RBMS3: variants seen among roughly 807,000 people sequenced by gnomAD.
RBMS3 encodes the protein RNA binding motif single stranded interacting protein 3.
RBMS3 carries 27 observed loss-of-function variants against 66.8 expected under a neutral mutation model. The ratio of observed to expected loss-of-function variants is 0.40; its 90% CI spans 0.30 to 0.56. The LOEUF (loss-of-function observed/expected upper bound fraction) is 0.56, where lower values mean the gene tolerates loss of function less well. RBMS3 is among the 20% of genes least tolerant of loss of function. RBMS3 has a pLI of 0.40. For synonymous variants in RBMS3, 188 were observed against 183.0 expected, an observed-to-expected ratio of 1.03 and a Z score of -0.22; for missense variants, 513 against 549.5, an observed-to-expected ratio of 0.93 and a Z score of 0.66.
intron 6 of RBMS3, among the ~76,000 whole-genome samples, chr3:29,782,238 A>G (rs2056661650): frequency 6.6e-6 from 1 of 152,112 alleles, no homozygotes; most frequent in Non-Finnish European, 1.5e-5. Flanking sequence ...AAACCAGTGC[A>G]CTAAACAAAA....
intron 1 of RBMS3, among the ~76,000 whole-genome samples, chr3:29,357,031 GTTTTA>G (rs1168880732): frequency 2.0e-5 from 3 of 151,918 alleles, no homozygotes; most frequent in Non-Finnish European, 4.4e-5. Flanking sequence ...TACAATCACA[GTTTTA>G]TTTTATTTTT....
At chr3:29,909,161 T>A (rs1559790672) in intron 10 of RBMS3, among the ~76,000 whole-genome samples, 2 of 152,142 alleles carry the variant, frequency 1.3e-5, no homozygotes, top group Non-Finnish European at 2.9e-5. Flanking sequence ...GGGAAATATT[T>A]GGTTGGAAAG....
intron 3 of RBMS3, among the ~76,000 whole-genome samples, chr3:29,520,496 A>G (rs2044814275): frequency 6.6e-6 from 1 of 152,166 alleles, no homozygotes; most frequent in South Asian, 2.1e-4. Flanking sequence ...AGATGTTTTC[A>G]GTGAGTTAAA....
chr3:29,416,607 T>C (rs896978137), intron 1 of RBMS3, among the ~76,000 whole-genome samples: 1 of 152,064 alleles, frequency 6.6e-6, no homozygotes, highest in Non-Finnish European at 1.5e-5. Context: ...GGGTAAGAGA[T>C]GCATTTATTT....
intron 6 of RBMS3, among the ~76,000 whole-genome samples, chr3:29,776,937 A>G (rs186238531): frequency 6.6e-6 from 1 of 151,958 alleles, no homozygotes; most frequent in African/African-American, 2.4e-5. Context: ...AGAAATATTT[A>G]CCTTGAATTT....
intron 1 of RBMS3, among the ~76,000 whole-genome samples, chr3:29,284,815 G>C (rs9821102): frequency 0.24 from 34,108 of 145,014 alleles, 4,358 homozygotes; most frequent in East Asian, 0.48. Flanking sequence ...CACACCTCAC[G>C]TCTTTAAAAA....
At chr3:29,341,359 T>G (rs2125537948) in intron 1 of RBMS3, among the ~76,000 whole-genome samples, 1 of 152,242 alleles carries the variant, frequency 6.6e-6, no homozygotes, top group East Asian at 1.9e-4. Context: ...GGAAATTTCA[T>G]TATGTTGCCC....
intron 12 of RBMS3, among the ~76,000 whole-genome samples, chr3:29,951,159 A>AG (rs1695658517): frequency 6.6e-6 from 1 of 152,010 alleles, no homozygotes; most frequent in South Asian, 2.1e-4. Context: ...TAATTCCTTT[A>AG]TTAAAAAATA....
chr3:29,289,041 A>G (rs2032600488), intron 1 of RBMS3, among the ~76,000 whole-genome samples: 3 of 152,000 alleles, frequency 2.0e-5, no homozygotes, highest in African/African-American at 7.2e-5. Context: ...ATTTTCATAT[A>G]ACTTAGTCCA....
intron 3 of RBMS3, among the ~76,000 whole-genome samples, chr3:29,566,634 C>CAAAAAAAAAAAAA (rs11445860): frequency 8.3e-6 from 1 of 119,910 alleles, no homozygotes; most frequent in Non-Finnish European, 1.8e-5. Context: ...AAGCAAAATG[C>CAAAAAAAAAAAAA]AAAAAAAAAA....
At chr3:29,902,466 G>A (rs2060278302) in intron 10 of RBMS3, among the ~76,000 whole-genome samples, 1 of 151,650 alleles carries the variant, frequency 6.6e-6, no homozygotes, top group Non-Finnish European at 1.5e-5. Context: ...GAGTTTGGTG[G>A]AGAAACTCTG....
intron 3 of RBMS3, among the ~76,000 whole-genome samples, chr3:29,491,160 C>T (rs948519989): frequency 1.3e-5 from 2 of 152,174 alleles, no homozygotes; most frequent in Non-Finnish European, 2.9e-5. Context: ...TCAGGGTCTC[C>T]ATAAGCAAAT....
intron 6 of RBMS3, among the ~76,000 whole-genome samples, chr3:29,769,047 G>A (rs1422604749): frequency 6.6e-6 from 1 of 151,862 alleles, no homozygotes; most frequent in East Asian, 1.9e-4. Context: ...GAATTTCATG[G>A]CCCAAATGTA....
chr3:29,731,212 A>G (rs536905472), intron 4 of RBMS3, among the ~76,000 whole-genome samples: 86 of 152,332 alleles, frequency 5.6e-4, no homozygotes, highest in African/African-American at 1.9e-3. Context: ...AAACCTTCCA[A>G]TTGAACTTGA....
chr3:29,742,278 G>A (rs1031201552), intron 5 of RBMS3, among the ~76,000 whole-genome samples: 1 of 152,136 alleles, frequency 6.6e-6, no homozygotes, highest in East Asian at 1.9e-4. Context: ...TATTCTGAAT[G>A]CAGCCTCTCT....
At chr3:29,715,436 T>G (rs143228364) in intron 4 of RBMS3, among the ~76,000 whole-genome samples, 353 of 152,310 alleles carry the variant, frequency 2.3e-3, no homozygotes, top group African/African-American at 7.3e-3. Flanking sequence ...GCATCTTTTT[T>G]ATAACTTGAA....
chr3:29,625,250 T>A (rs1011863108), intron 4 of RBMS3, among the ~76,000 whole-genome samples: 1 of 152,192 alleles, frequency 6.6e-6, no homozygotes, highest in African/African-American at 2.4e-5. Flanking sequence ...ACAAATTTTT[T>A]AAAATTCTCC....
At chr3:29,572,130 C>G (rs1015069709) in intron 3 of RBMS3, among the ~76,000 whole-genome samples, 7 of 151,994 alleles carry the variant, frequency 4.6e-5, no homozygotes, top group African/African-American at 1.7e-4. Context: ...ATCTTGTATC[C>G]TTCAACTTTA....
chr3:29,855,673 C>T (rs940435607), intron 6 of RBMS3, among the ~76,000 whole-genome samples: 8 of 152,170 alleles, frequency 5.3e-5, no homozygotes, highest in Admixed American at 3.9e-4. Context: ...TTTAGAGACT[C>T]TTTATGCAGA....
Sources: allele counts gnomAD v4.1 joint callset (sites outside exome capture counted in the v4.1 genomes callset), GRCh38; gene constraint gnomAD v4.1.1; transcripts MANE v1.5; gene names NCBI Gene and HGNC (gene_info 2026-07-23, HGNC 2026-07-21).